The following APBA1 variants were observed in gnomAD, a reference collection of about 807,000 sequenced individuals.
APBA1 encodes the protein amyloid-beta A4 precursor protein-binding family A member 1.
Under a neutral mutation model 86.6 loss-of-function variants are expected in APBA1, and 55 were observed. The observed-to-expected ratio is 0.64, with a 90% confidence interval of 0.51 to 0.80. The LOEUF (loss-of-function observed/expected upper bound fraction) is 0.80, where lower values mean the gene tolerates loss of function less well. APBA1 is among the 30% of genes least tolerant of loss of function. The pLI is 0.00. For synonymous variants in APBA1, 511 were observed against 493.9 expected (o/e 1.03, Z -0.46); for missense variants, 1,090 against 1,183.0 (o/e 0.92, Z 1.15).
chr9:69,470,867 T>C (rs1347900433), intron 4 of APBA1, among the ~76,000 whole-genome samples: 2 of 152,190 alleles, frequency 1.3e-5, no homozygotes, highest in Non-Finnish European at 2.9e-5. Context: ...TGGTACAGTC[T>C]CCAGCTGGAG....
Position 69,432,618 on chromosome 9 carries a change from C to T in APBA1, c.2360G>A (p.Arg787Gln), listed in dbSNP as rs1482201940. The change falls in exon 12 of 13, where the codon CGG (arginine) becomes CAG (glutamine). Residue 787 changes from arginine (R) to glutamine (Q), a missense_variant. Around this residue, in one of 6 missense-constraint regions of APBA1, gnomAD observed 119 missense variants for 124.8 expected, o/e 0.95. Coordinates refer to ENST00000265381, the MANE Select transcript of APBA1 (RefSeq NM_001163.4). Reference sequence around the variant, plus strand: ...GCTCTGTCCATTGATTTCAATGATCCGGTGCCCCACACGGACGCCTCCTCT... The same window carrying T: ...GCTCTGTCCATTGATTTCAATGATCTGGTGCCCCACACGGACGCCTCCTCT... ...AERGGVRVGH[R>Q]IIEINGQSVV... is the part of the protein sequence containing the mutation. 6 of 1,606,182 alleles carry T rather than the reference C, an allele frequency of 3.7e-6. No homozygotes were observed. The African/African-American group carries it at 4.0e-5, about 11-fold the overall frequency.
chr9:69,540,306 C>T (rs1467748750), intron 1 of APBA1, among the ~76,000 whole-genome samples: 1 of 152,092 alleles, frequency 6.6e-6, no homozygotes, highest in Non-Finnish European at 1.5e-5. Context: ...ATGACTGTGT[C>T]CCTAGTGTCT....
chr9:69,559,294 T>C (rs982561335), intron 1 of APBA1, among the ~76,000 whole-genome samples: 5 of 152,202 alleles, frequency 3.3e-5, no homozygotes, highest in African/African-American at 4.8e-5. Context: ...TGCATGCATT[T>C]AAAGGGTTTG....
At chr9:69,591,902 T>C (rs934696892) in intron 1 of APBA1, among the ~76,000 whole-genome samples, 3 of 152,210 alleles carry the variant, frequency 2.0e-5, no homozygotes, top group African/African-American at 7.2e-5. Context: ...TTCAGAAAAG[T>C]GTCTCAGCTA....
chr9:69,432,530 T>TA lies in APBA1; in HGVS notation c.2442+5_2442+6insT. The TA allele has an allele frequency of 1.3e-6, 2 of 1,541,652 alleles. No homozygotes were observed. Among genetic ancestry groups the TA allele is most frequent in the Non-Finnish European group, 1.8e-6 (2 of 1,142,022 alleles). On this transcript the variant is annotated splice_donor_region_variant and intron_variant, in intron 12 of 12. Coordinates refer to ENST00000265381, the MANE Select transcript of APBA1 (RefSeq NM_001163.4). ...AGCACCACCCTCAGCCCCGGACCTC[T>TA]CCTACCTCCCCAACAGCATTGGAGA...
At chr9:69,475,982 A>G (rs1289658660) in intron 3 of APBA1, 66 bp downstream of exon 3, 1 of 1,296,280 alleles carries the variant, frequency 7.7e-7, no homozygotes, top group Non-Finnish European at 1.1e-6. Context: ...TGTATTAGGA[A>G]GCACAGAACA....
At chr9:69,523,489 A>ATATG (rs1836290034) in intron 1 of APBA1, among the ~76,000 whole-genome samples, 1 of 13,004 alleles carries the variant, frequency 7.7e-5, no homozygotes, top group African/African-American at 1.7e-4. Flanking sequence ...ATATATATAT[A>ATATG]TATATATGTA....
At chr9:69,620,828 G>A (rs1428646430) in intron 1 of APBA1, among the ~76,000 whole-genome samples, 3 of 152,216 alleles carry the variant, frequency 2.0e-5, no homozygotes, top group Non-Finnish European at 4.4e-5. Context: ...ATGGAGGGAG[G>A]TGTTACAGTG....
At chr9:69,524,205 G>A (rs1369864000) in intron 1 of APBA1, among the ~76,000 whole-genome samples, 1 of 151,964 alleles carries the variant, frequency 6.6e-6, no homozygotes, top group African/African-American at 2.4e-5. Flanking sequence ...TAACCCCAAA[G>A]CTAGCAGAAA....
At chr9:69,621,209 C>T (rs975798493) in intron 1 of APBA1, among the ~76,000 whole-genome samples, 1 of 152,270 alleles carries the variant, frequency 6.6e-6, no homozygotes, top group East Asian at 1.9e-4. Context: ...GGCTGCCTGG[C>T]CATCTAGTCA....
intron 1 of APBA1, among the ~76,000 whole-genome samples, chr9:69,562,662 ACTGTACCCGGC>A (rs1836964820): frequency 6.6e-6 from 1 of 152,144 alleles, no homozygotes; most frequent in South Asian, 2.1e-4. Context: ...GACGTGAGCC[ACTGTACCCGGC>A]CTGTATTTCT....
intron 10 of APBA1, among the ~76,000 whole-genome samples, chr9:69,449,333 T>G (rs1834962693): frequency 1.3e-5 from 2 of 152,190 alleles, no homozygotes; most frequent in Admixed American, 6.5e-5. Context: ...GTGATGGACA[T>G]GCTGCTATCA....
rs2134031405 is a variant in APBA1, at chr9:69,666,836, A to T, written c.-70+5317T>A. On this transcript the variant is annotated intron_variant, in intron 1 of 12. Coordinates refer to ENST00000265381, the MANE Select transcript of APBA1 (RefSeq NM_001163.4). ...AAACTTGCACAGGCCATAAAAGGCA[A>T]CTCATTCGATGTCCATTGTGTAAGA... Among the ~76,000 whole-genome samples, 2 of 152,352 alleles carry T rather than the reference A, an allele frequency of 1.3e-5. 1 individual carries two copies. The highest frequency in any genetic ancestry group is 4.1e-4 in the South Asian group (2 of 4,820).
At chr9:69,626,106 A>G (rs1304698876) in intron 1 of APBA1, among the ~76,000 whole-genome samples, 1 of 152,270 alleles carries the variant, frequency 6.6e-6, no homozygotes, top group African/African-American at 2.4e-5. Context: ...TGAGGTTACT[A>G]TTTTTCTAGA....
chr9:69,502,415 GTTTT>G (rs201783168), intron 2 of APBA1, among the ~76,000 whole-genome samples: 1 of 150,272 alleles, frequency 6.7e-6, no homozygotes, highest in Admixed American at 6.6e-5. Context: ...ATCTCTTTTT[GTTTT>G]TTTTTCCTTG....
intron 1 of APBA1, among the ~76,000 whole-genome samples, chr9:69,670,113 C>T (rs1348897052): frequency 6.6e-6 from 1 of 152,036 alleles, no homozygotes; most frequent in Non-Finnish European, 1.5e-5. Flanking sequence ...TGGATGACAG[C>T]CAACAACCAA....
intron 2 of APBA1, among the ~76,000 whole-genome samples, chr9:69,487,382 C>G (rs1245670325): frequency 6.6e-6 from 1 of 152,102 alleles, no homozygotes; most frequent in African/African-American, 2.4e-5. Flanking sequence ...AGGGTGACTT[C>G]TGTAAACAGT....
intron 1 of APBA1, among the ~76,000 whole-genome samples, chr9:69,540,509 C>A (rs1408316611): frequency 6.6e-6 from 1 of 152,114 alleles, no homozygotes; most frequent in Admixed American, 6.5e-5. Flanking sequence ...AACTTTATAC[C>A]TGTTGAATAG....
chr9:69,501,532 T>A (rs1055575084), intron 2 of APBA1, among the ~76,000 whole-genome samples: 1 of 151,758 alleles, frequency 6.6e-6, no homozygotes, highest in African/African-American at 2.4e-5. Context: ...CTGGGCATGG[T>A]GGCTCATGCC....
Sources: allele counts gnomAD v4.1 joint callset (sites outside exome capture counted in the v4.1 genomes callset), GRCh38; gene constraint gnomAD v4.1.1; regional missense constraint gnomAD v4.1.1; transcripts MANE v1.5; gene names NCBI Gene and HGNC (gene_info 2026-07-23, HGNC 2026-07-21).